DNAH2: variants seen among roughly 807,000 people sequenced by gnomAD.
DNAH2 encodes dynein axonemal heavy chain 2, also known as axonemal beta dynein heavy chain 2.
A neutral mutation model predicts 523.5 loss-of-function variants in DNAH2; 323 were observed. The ratio of observed to expected loss-of-function variants is 0.62; its 90% CI spans 0.56 to 0.68. DNAH2 has a LOEUF of 0.68. Ranked by LOEUF, DNAH2 falls within the 30% of genes least tolerant of loss-of-function variation. The probability of loss-of-function intolerance (pLI) is 0.00; values close to 1 mark genes in which losing one functional copy is unlikely to be tolerated. For synonymous variants in DNAH2, 2,093 were observed against 2,177.4 expected (o/e 0.96, Z 1.08); for missense variants, 4,907 against 5,701.5 (o/e 0.86, Z 4.49).
At position 7,779,277 on chromosome 17, in the gene DNAH2, G is replaced by A. The variant is rs770822929; in HGVS notation, c.5576G>A (p.Arg1859His). The A allele has an allele frequency of 4.0e-5, 65 of 1,613,992 alleles. 1 individual carries two copies. Among genetic ancestry groups the A allele is most frequent in the African/African-American group, 2.1e-4 (16 of 74,926 alleles). ...TGGGGCTGCTTTGATGAGTTTAACC[G>A]CATCAACATCGAGGTGCTGTCAGTG... ...GAWGCFDEFN[R>H]INIEVLSVVA... The change falls in exon 36 of 86, where the codon CGC (arginine) becomes CAC (histidine). Residue 1859 changes from arginine to histidine, a missense_variant. Transcript: ENST00000572933.
At chr17:7,759,966 G>A in intron 17 of DNAH2, 28 bp downstream of exon 17, 1 of 1,614,016 alleles carries the variant, frequency 6.2e-7, no homozygotes, top group Non-Finnish European at 8.5e-7. Flanking sequence ...AGGGCACAAG[G>A]CACAGGGTTT....
At chr17:7,806,097 A>G (rs976534728) in intron 61 of DNAH2, among the ~76,000 whole-genome samples, 1 of 152,222 alleles carries the variant, frequency 6.6e-6, no homozygotes, top group Non-Finnish European at 1.5e-5. Context: ...AATGGTACCC[A>G]TACAATCATT....
In DNAH2 at chr17:7,742,931, C is replaced by A. The variant is rs1252137527; in HGVS notation, c.1693C>A (p.Leu565Ile). The change falls in exon 12 of 86, where the codon CTT (leucine) becomes ATT (isoleucine). Residue 565 changes from leucine (L) to isoleucine (I), a missense_variant. Physicochemically the swap from Leu to Ile is conservative, Grantham distance 5. Transcript: ENST00000572933. Reference sequence around the variant, plus strand: ...CACCTGTTCTTCTTCCCCTCAGTGCCTTGCTGGTGCTCATTTCCTGCCCCG... The same window carrying A: ...CACCTGTTCTTCTTCCCCTCAGTGCATTGCTGGTGCTCATTTCCTGCCCCG... Reference protein sequence around the residue: ...RRRIDRVMTCLAGAHFLPRIG... With the variant: ...RRRIDRVMTCIAGAHFLPRIG... 7.5e-6 allele frequency: 11 copies of A among 1,464,172 alleles called. No individual in the cohort carries two copies. Among genetic ancestry groups the A allele is most frequent in the Non-Finnish European group, 9.0e-6 (10 of 1,110,136 alleles). The allele number at this position is 1,464,172 out of a possible 1,614,324, so 90.7% of individuals were successfully genotyped here.
chr17:7,732,768 T>A (rs2075026820), intron 4 of DNAH2, among the ~76,000 whole-genome samples: 2 of 152,184 alleles, frequency 1.3e-5, no homozygotes, highest in Admixed American at 1.3e-4. Context: ...TTCCATCCTT[T>A]CTTTCTATCG....
chr17:7,747,376 A>G (rs1420388860), intron 12 of DNAH2, among the ~76,000 whole-genome samples: 1 of 152,128 alleles, frequency 6.6e-6, no homozygotes, highest in Non-Finnish European at 1.5e-5. Flanking sequence ...AAATCATAGT[A>G]TGGCTGTACT....
chr17:7,817,941 T>C lies in DNAH2; in HGVS notation c.10237-5T>C. On this transcript the variant is annotated splice_polypyrimidine_tract_variant and splice_region_variant and intron_variant, in intron 67 of 85. Transcript: ENST00000572933. ...TGTTCCTTCACCTTCCCCCTTGCTC[T>C]CTAGGGCCTGAAGATCATCGACCTG... 1 of 1,613,864 alleles carries C rather than the reference T, an allele frequency of 6.2e-7. No homozygotes were observed. The highest frequency in any genetic ancestry group is 8.5e-7 in the Non-Finnish European group (1 of 1,179,930).
At chr17:7,779,113 C>T in intron 35 of DNAH2, 130 bp from the exon 36 acceptor site, 2 of 1,012,186 alleles carry the variant, frequency 2.0e-6, no homozygotes, top group East Asian at 2.6e-5. Context: ...ACTCTGGTGC[C>T]CTCCTCCCTG....
At chr17:7,734,094 G>T in intron 5 of DNAH2, 89 bp from the exon 6 acceptor site, 1 of 1,125,994 alleles carries the variant, frequency 8.9e-7, no homozygotes, top group Non-Finnish European at 1.3e-6. Context: ...TATGCTTCCT[G>T]GTCCCCTACC....
At chr17:7,746,048 A>T (rs1171326668) in intron 12 of DNAH2, among the ~76,000 whole-genome samples, 1 of 152,218 alleles carries the variant, frequency 6.6e-6, no homozygotes, top group Non-Finnish European at 1.5e-5. Flanking sequence ...CTGATGACTC[A>T]CGCAAAGGTC....
chr17:7,756,246 A>T (rs894528860), intron 12 of DNAH2, among the ~76,000 whole-genome samples: 4 of 151,766 alleles, frequency 2.6e-5, no homozygotes, highest in East Asian at 2.0e-4. Flanking sequence ...TCTAAAAAAA[A>T]TTTGAAAAAA....
At chr17:7,806,564 CAGG>C (rs1364482763) in intron 61 of DNAH2, among the ~76,000 whole-genome samples, 5 of 143,280 alleles carry the variant, frequency 3.5e-5, no homozygotes, top group East Asian at 4.2e-4. Flanking sequence ...GAGGCTGAGG[CAGG>C]AGAATGGTGT....
Position 7,817,410 on chromosome 17 carries a change from G to A in DNAH2, c.10015G>A (p.Gly3339Arg), listed in dbSNP as rs759990439. The A allele has an allele frequency of 1.2e-5, 19 of 1,613,890 alleles. No individual in the cohort carries two copies. The highest frequency in any genetic ancestry group is 3.3e-5 in the South Asian group (3 of 91,070). ...RDEIVNQIWI[G>R]KIWELQVPCS... ...TGAGATTGTCAACCAAATCTGGATC[G>A]GGAAGGTGAGATGGGACTCAGGCAT... Residue 3339 changes from glycine (G) to arginine (R), a missense_variant, in exon 65 of 86, where the codon GGG becomes AGG. Physicochemically the swap from Gly to Arg is moderately radical, Grantham distance 125. Coordinates refer to ENST00000572933, the MANE Select transcript of DNAH2 (RefSeq NM_020877.5).
chr17:7,814,826 G>T lies in DNAH2; in HGVS notation c.9730-1745G>T, dbSNP rs145834230. 4.5e-3 allele frequency among the ~76,000 whole-genome samples: 691 copies of T among 152,372 alleles called. 1 individual carries two copies. The highest frequency in any genetic ancestry group is 9.2e-3 in the Admixed American group (141 of 15,306). ...GATGTGCCATTGCACTCCAGCCTGG[G>T]AGACAAGAGCGAGACTCCGTCTCAA... On this transcript the variant is annotated intron_variant, in intron 63 of 85. Transcript: ENST00000572933.
At position 7,818,027 on chromosome 17, in the gene DNAH2, C is replaced by T; in HGVS notation, c.10318C>T (p.Leu3440Phe). 6.2e-7 allele frequency: 1 copy of T among 1,614,144 alleles called. No homozygotes were observed. The highest frequency in any genetic ancestry group is 1.1e-5 in the South Asian group (1 of 91,092). Residue 3440 changes from leucine (L) to phenylalanine (F), a missense_variant, in exon 68 of 86, where the codon CTT becomes TTT. By Grantham distance (22) the Leu-to-Phe change is conservative. Coordinates refer to ENST00000572933, the MANE Select transcript of DNAH2 (RefSeq NM_020877.5). ...CATTCACTTTGGATACCCGGTGCTACTTCAGAACGTGCAGGAATATCTGGA... is the reference window on the plus strand; with the variant it reads ...CATTCACTTTGGATACCCGGTGCTATTTCAGAACGTGCAGGAATATCTGGA... Reference protein sequence around the residue: ...HAIHFGYPVLLQNVQEYLDPT... With the variant: ...HAIHFGYPVLFQNVQEYLDPT...
intron 63 of DNAH2, among the ~76,000 whole-genome samples, chr17:7,812,128 A>T (rs1251392416): frequency 6.6e-6 from 1 of 152,236 alleles, no homozygotes; most frequent in Non-Finnish European, 1.5e-5. Context: ...AATGTCAGTT[A>T]TCTGGAACCA....
At chr17:7,789,363 C>T (rs866459839) in intron 44 of DNAH2, among the ~76,000 whole-genome samples, 3 of 152,048 alleles carry the variant, frequency 2.0e-5, no homozygotes, top group Non-Finnish European at 4.4e-5. Flanking sequence ...GCAGGGCGGG[C>T]CGAGCTGGTG....
In DNAH2 at chr17:7,791,901, C is replaced by T; in HGVS notation, c.6901-16C>T. ...TCTTACAGGTGGGTTATTTCCTCTT[C>T]TCGTTCTCCATCCAGGTGAACCCAG... On this transcript the variant is annotated splice_polypyrimidine_tract_variant and intron_variant, in intron 44 of 85. Transcript: ENST00000572933. 6.2e-7 allele frequency: 1 copy of T among 1,610,970 alleles called. No homozygotes were observed. Among genetic ancestry groups the T allele is most frequent in the Admixed American group, 1.7e-5 (1 of 59,376 alleles).
At position 7,787,884 on chromosome 17, in the gene DNAH2, G is replaced by A. The variant is rs77431839; in HGVS notation, c.6628G>A (p.Asp2210Asn). Residue 2210 changes from aspartate (D) to asparagine (N), a missense_variant, in exon 43 of 86, where the codon GAC (aspartate) becomes AAC (asparagine). Physicochemically the swap from Asp to Asn is conservative, Grantham distance 23. Coordinates refer to ENST00000572933, the MANE Select transcript of DNAH2 (RefSeq NM_020877.5). Reference protein sequence around the residue: ...EQVSLLFEVEDLAMASPATVS... With the variant: ...EQVSLLFEVENLAMASPATVS... The stretch of plus-strand genomic sequence containing the variant: ...GGTGTCTCTCCTGTTTGAAGTGGAG[G>A]ACCTGGCAATGGCCTCTCCGGCCAC... 4.2e-3 allele frequency: 6,820 copies of A among 1,614,004 alleles called. 186 individuals carry two copies. In the African/African-American group the frequency reaches 0.069, roughly 16 times the overall value.
Position 7,780,224 on chromosome 17 carries a change from G to T in DNAH2, c.5790G>T (p.Val1930=), listed in dbSNP as rs2076566366. The T allele has an allele frequency of 6.2e-7, 1 of 1,614,188 alleles. No individual in the cohort carries two copies. The highest frequency in any genetic ancestry group is 1.1e-5 in the South Asian group (1 of 91,082). Residue 1930 remains valine, a synonymous_variant, in exon 37 of 86, where the codon GTG becomes GTT. Coordinates refer to ENST00000572933, the MANE Select transcript of DNAH2 (RefSeq NM_020877.5). The surrounding 1 kb of genome is among the most constrained non-coding windows in gnomAD (Gnocchi z 4.4). The part of the protein sequence containing the change: ...KSMFRPIAMV[V]PDSTLIAEII... The stretch of plus-strand genomic sequence containing the variant: ...TGTTCCGCCCAATTGCCATGGTGGT[G>T]CCTGACTCCACCCTCATTGCAGAAA...
Sources: gnomAD v4.1 joint callset for allele counts (sites outside exome capture counted in the v4.1 genomes callset) on GRCh38, gnomAD v4.1.1 for gene constraint, Gnocchi (gnomAD v3.1) non-coding constraint, MANE v1.5 for transcripts, NCBI Gene and HGNC (gene_info 2026-07-23, HGNC 2026-07-21) for gene names.